The following SORL1-AS1 variants were observed in gnomAD, a reference collection of about 807,000 sequenced individuals.
SORL1-AS1 encodes the protein lncRNA 51 A.
rs1860820416 is a variant in SORL1-AS1 at position 121,452,578 on chromosome 11, G to A, written n.339+97C>T. 1 of 1,522,250 alleles carries A rather than the reference G, an allele frequency of 6.6e-7. No homozygotes were observed. The highest frequency in any genetic ancestry group is 2.0e-5 in the Admixed American group (1 of 49,554). The allele number at this position is 1,522,250 out of a possible 1,614,324, so 94.3% of individuals were successfully genotyped here. A position where few individuals can be genotyped will look rare whatever the true frequency, so the allele number is the denominator to read the frequency against. On this transcript the variant is annotated intron_variant and non_coding_transcript_variant, in intron 1 of 1. Coordinates refer to ENST00000501964, the Ensembl canonical transcript of SORL1-AS1. The surrounding 1 kb of genome is among the most constrained non-coding windows in gnomAD (Gnocchi z 5.3). The stretch of plus-strand genomic sequence containing the variant: ...GAAGCCGCTCCGGAGGAAACGGAGC[G>A]CTGCCCTGCAGCCCGAGCCCATCAA...
the SORL1-AS1 span, among the ~76,000 whole-genome samples, chr11:121,438,612 T>C: frequency 6.6e-6 from 1 of 152,160 alleles, no homozygotes; most frequent in African/African-American, 2.4e-5. Flanking sequence ...TCTACGTTGT[T>C]GTATGCATTA....
At chr11:121,438,175 T>C in the SORL1-AS1 span, among the ~76,000 whole-genome samples, 1 of 152,336 alleles carries the variant, frequency 6.6e-6, no homozygotes, top group South Asian at 2.1e-4. Context: ...GCTTGTTTTT[T>C]ATTACTTAAT....
rs980606037 is a variant in SORL1-AS1, at chr11:121,450,595, A to G, written n.340-696T>C. ...CTACCACTTCCTCAATCCCTCTGAA[A>G]TAACATCAAAGTTGGGGTGCAGGAT... On this transcript the variant is annotated intron_variant and non_coding_transcript_variant, in intron 1 of 1. Coordinates refer to ENST00000501964, the Ensembl canonical transcript of SORL1-AS1. The surrounding 1 kb of genome is among the most constrained non-coding windows in gnomAD (Gnocchi z 5.2). Among the ~76,000 whole-genome samples, 1 of 152,160 alleles carries G rather than the reference A, an allele frequency of 6.6e-6. No individual in the cohort carries two copies. The highest frequency in any genetic ancestry group is 6.5e-5 in the Admixed American group (1 of 15,272).
At chr11:121,446,327 T>TG (rs1295485054), downstream of SORL1-AS1, among the ~76,000 whole-genome samples, 1 of 152,084 alleles carries the variant, frequency 6.6e-6, no homozygotes, top group Non-Finnish European at 1.5e-5. Flanking sequence ...TAGGGGTAGT[T>TG]GGGGGAAATC....
At chr11:121,442,214 AC>A in the SORL1-AS1 span, among the ~76,000 whole-genome samples, 363 of 152,300 alleles carry the variant, frequency 2.4e-3, 6 homozygotes, top group Admixed American at 0.015. Context: ...CTTTCATTGC[AC>A]CTTACTTGAA....
Position 121,452,571 on chromosome 11 carries a change from A to G in SORL1-AS1, n.339+104T>C, listed in dbSNP as rs1860820251. The G allele has an allele frequency of 1.3e-6, 2 of 1,520,780 alleles. No individual in the cohort carries two copies. The highest frequency in any genetic ancestry group is 1.8e-6 in the Non-Finnish European group (2 of 1,142,156). 94.2% of individuals were successfully genotyped at this position (1,520,780 alleles called of 1,614,324 possible). ...CGGACGAGAAGCCGCTCCGGAGGAA[A>G]CGGAGCGCTGCCCTGCAGCCCGAGC... On this transcript the variant is annotated intron_variant and non_coding_transcript_variant, in intron 1 of 1. Coordinates refer to ENST00000501964, the Ensembl canonical transcript of SORL1-AS1. The surrounding 1 kb of genome is among the most constrained non-coding windows in gnomAD (Gnocchi z 5.3).
downstream of SORL1-AS1, among the ~76,000 whole-genome samples, chr11:121,445,719 T>A (rs1860714058): frequency 6.6e-6 from 1 of 151,978 alleles, no homozygotes. Flanking sequence ...CGTCTTATTC[T>A]CCAGAGAGTT....
the SORL1-AS1 span, among the ~76,000 whole-genome samples, chr11:121,439,025 C>G: frequency 6.6e-6 from 1 of 152,126 alleles, no homozygotes; most frequent in Admixed American, 6.5e-5. Context: ...GACTCTGTTT[C>G]AACAACAACA....
the SORL1-AS1 span, among the ~76,000 whole-genome samples, chr11:121,440,394 CAAAT>C: frequency 2.0e-5 from 3 of 152,050 alleles, no homozygotes; most frequent in Non-Finnish European, 4.4e-5. Context: ...AATAAACAAA[CAAAT>C]AAAGAACTCC....
At chr11:121,442,677 ATTTATTTATTTATTTT>A (rs1278354742), downstream of SORL1-AS1, among the ~76,000 whole-genome samples, 118 of 143,264 alleles carry the variant, frequency 8.2e-4, no homozygotes, top group Middle Eastern at 3.5e-3. Flanking sequence ...TTATTTATTT[ATTTATTTATTTATTTT>A]TTTGAGATGG....
chr11:121,446,755 A>G (rs1385455541), downstream of SORL1-AS1, among the ~76,000 whole-genome samples: 2 of 135,528 alleles, frequency 1.5e-5, no homozygotes, highest in Non-Finnish European at 3.1e-5. Context: ...TTAAGAGAAG[A>G]AAAAAAAAAA....
chr11:121,444,658 T>C (rs1364971862), downstream of SORL1-AS1, among the ~76,000 whole-genome samples: 2 of 152,148 alleles, frequency 1.3e-5, no homozygotes, highest in Non-Finnish European at 2.9e-5. Context: ...GGATCTGACT[T>C]CAGTGGGCAG....
downstream of SORL1-AS1, among the ~76,000 whole-genome samples, chr11:121,442,813 G>A (rs1860675806): frequency 6.6e-6 from 1 of 150,450 alleles, no homozygotes; most frequent in Non-Finnish European, 1.5e-5. Flanking sequence ...CGAGTAGCTG[G>A]GACTACAGGC....
intron 1 of SORL1-AS1, among the ~76,000 whole-genome samples, chr11:121,451,325 T>C (rs1026632546): frequency 1.3e-5 from 2 of 152,082 alleles, no homozygotes; most frequent in Non-Finnish European, 2.9e-5. Context: ...GTTCAGAGAG[T>C]TTGGCTCGTC....
exon 2 of SORL1-AS1, chr11:121,447,828 T>C (rs1860742953): frequency 6.6e-6 from 1 of 152,184 alleles, no homozygotes; most frequent in South Asian, 2.1e-4. Flanking sequence ...AGGGAGACAG[T>C]GCTGGTTAAG....
In SORL1-AS1 at chr11:121,452,677, C is replaced by A; in HGVS notation, n.337G>T. The A allele has an allele frequency of 1.5e-6, 2 of 1,345,446 alleles. No homozygotes were observed. Among genetic ancestry groups the A allele is most frequent in the Non-Finnish European group, 9.6e-7 (1 of 1,042,596 alleles). 83.3% of individuals were successfully genotyped at this position (1,345,446 alleles called of 1,614,324 possible). ...TTCCTCTCCCTGCACTTCCTCACCC[C>A]CGCATCCATCCGTTGCAGTCGCCTC... is the stretch of plus-strand genomic sequence containing the variant. On this transcript the variant is annotated splice_region_variant and non_coding_transcript_exon_variant, in exon 1 of 2. Coordinates refer to ENST00000501964, the Ensembl canonical transcript of SORL1-AS1. This position sits in a 1 kb window ranked among gnomAD's most constrained non-coding sequence, Gnocchi z 5.3.
chr11:121,451,542 C>A (rs982715126), intron 1 of SORL1-AS1, among the ~76,000 whole-genome samples: 1 of 152,238 alleles, frequency 6.6e-6, no homozygotes, highest in Non-Finnish European at 1.5e-5. Context: ...TGCAAGCACA[C>A]CCTGTATAGC....
chr11:121,442,176 A>G, the SORL1-AS1 span, among the ~76,000 whole-genome samples: 1 of 152,244 alleles, frequency 6.6e-6, no homozygotes, highest in Non-Finnish European at 1.5e-5. Flanking sequence ...GCAACAAGGC[A>G]TAGGAAGTCT....
At chr11:121,441,890 T>C in the SORL1-AS1 span, among the ~76,000 whole-genome samples, 2 of 152,202 alleles carry the variant, frequency 1.3e-5, no homozygotes, top group African/African-American at 2.4e-5. Flanking sequence ...TAAAGTTTTA[T>C]CCCAACTAAT....
Sources: allele counts gnomAD v4.1 joint callset (sites outside exome capture counted in the v4.1 genomes callset), GRCh38; gene constraint gnomAD v4.1.1; non-coding constraint Gnocchi (gnomAD v3.1); transcripts MANE v1.5; gene names NCBI Gene and HGNC (gene_info 2026-07-23, HGNC 2026-07-21).